The following SOBP variants were observed in gnomAD, a reference collection of about 807,000 sequenced individuals.
SOBP encodes sine oculis-binding protein homolog.
SOBP carries 4 observed loss-of-function variants against 53.6 expected under a neutral mutation model. The ratio of observed to expected loss-of-function variants is 0.07; its 90% confidence interval spans 0.04 to 0.17. SOBP has a LOEUF of 0.17. Among genes scored for constraint, SOBP ranks in the 10% least tolerant of loss-of-function variants. The pLI, the probability that SOBP is intolerant of heterozygous loss-of-function variation, is 1.00. For synonymous variants in SOBP, 584 were observed against 522.6 expected (o/e 1.12, Z -1.60); for missense variants, 1,088 against 1,204.7 (o/e 0.90, Z 1.43).
intron 5 of SOBP, among the ~76,000 whole-genome samples, chr6:107,590,729 C>T (rs1053987136): frequency 6.6e-6 from 1 of 152,080 alleles, no homozygotes; most frequent in African/African-American, 2.4e-5. Context: ...AGTTTTATGG[C>T]TGTGTGATCA....
intron 4 of SOBP, among the ~76,000 whole-genome samples, chr6:107,550,849 C>T (rs1165663967): frequency 2.6e-5 from 4 of 152,292 alleles, no homozygotes; most frequent in East Asian, 1.9e-4. Context: ...TAAAATATCA[C>T]GGACTTTGTA....
At chr6:107,564,825 T>TA (rs1249848937) in intron 4 of SOBP, among the ~76,000 whole-genome samples, 16 of 152,204 alleles carry the variant, frequency 1.1e-4, no homozygotes, top group African/African-American at 3.9e-4. Flanking sequence ...AGACCTGAGA[T>TA]ACCAAATATT....
At chr6:107,582,450 T>C (rs4425630) in intron 4 of SOBP, among the ~76,000 whole-genome samples, 40,645 of 151,984 alleles carry the variant, frequency 0.27, 6,210 homozygotes, top group East Asian at 0.65. Flanking sequence ...TCATCTAATA[T>C]TTATCTAAAT....
intron 4 of SOBP, among the ~76,000 whole-genome samples, chr6:107,565,725 G>A (rs896487717): frequency 2.0e-5 from 3 of 152,218 alleles, no homozygotes; most frequent in Admixed American, 2.0e-4. Context: ...AGAGTCAGAA[G>A]GACTGAAAAA....
chr6:107,583,418 A>G (rs1785465154), intron 4 of SOBP, among the ~76,000 whole-genome samples: 1 of 152,222 alleles, frequency 6.6e-6, no homozygotes, highest in Non-Finnish European at 1.5e-5. Context: ...TTTTTAAGGA[A>G]GTGGTATGGT....
chr6:107,517,724 G>A (rs1783362382), intron 3 of SOBP, among the ~76,000 whole-genome samples: 3 of 152,190 alleles, frequency 2.0e-5, no homozygotes, highest in Admixed American at 2.0e-4. Flanking sequence ...ATTGTAGATG[G>A]ATTGTTGATC....
intron 5 of SOBP, among the ~76,000 whole-genome samples, chr6:107,606,013 C>T (rs1294786360): frequency 6.6e-6 from 1 of 151,856 alleles, no homozygotes; most frequent in East Asian, 1.9e-4. Context: ...CACATTCACA[C>T]ACCCCCAAAC....
intron 6 of SOBP, among the ~76,000 whole-genome samples, chr6:107,644,211 T>A (rs1301007487): frequency 6.6e-6 from 1 of 151,932 alleles, no homozygotes; most frequent in Admixed American, 6.5e-5. Context: ...GGCTGAGGCA[T>A]GAGAACAGCT....
intron 4 of SOBP, among the ~76,000 whole-genome samples, chr6:107,562,564 A>C (rs1784802092): frequency 6.6e-6 from 1 of 152,194 alleles, no homozygotes; most frequent in Admixed American, 6.5e-5. Flanking sequence ...AGAGACTTTA[A>C]ATTCATGACC....
At chr6:107,520,813 TG>T (rs1467590960) in intron 3 of SOBP, among the ~76,000 whole-genome samples, 1 of 152,164 alleles carries the variant, frequency 6.6e-6, no homozygotes, top group Non-Finnish European at 1.5e-5. Context: ...CAGTATGTTC[TG>T]GGGCTTTTCA....
At position 107,610,742 on chromosome 6, in the gene SOBP, C is replaced by G. The variant is rs1395408903; in HGVS notation, c.670-22772C>G. On this transcript the variant is annotated intron_variant, in intron 5 of 6. Transcript: ENST00000317357. ...TTTGCTCCAACCACATGCCCACTCT[C>G]TCCCCATCTTTCTCTTTCTTTGCGC... Among the ~76,000 whole-genome samples the G allele has an allele frequency of 2.6e-5, 4 of 152,178 alleles. No homozygotes were observed. In the East Asian group the frequency reaches 7.7e-4, roughly 29 times the overall value.
intron 6 of SOBP, among the ~76,000 whole-genome samples, chr6:107,653,406 C>T (rs921848397): frequency 2.6e-5 from 4 of 152,224 alleles, no homozygotes; most frequent in African/African-American, 4.8e-5. Context: ...ACAGCGTTGC[C>T]GCAGCCAGCA....
chr6:107,508,274 C>G (rs1250848402), intron 3 of SOBP, among the ~76,000 whole-genome samples: 1 of 152,094 alleles, frequency 6.6e-6, no homozygotes. Context: ...TTTTGCTTGG[C>G]CTGCTGCATT....
At chr6:107,528,879 T>C (rs540499375) in intron 3 of SOBP, among the ~76,000 whole-genome samples, 1 of 152,350 alleles carries the variant, frequency 6.6e-6, no homozygotes, top group African/African-American at 2.4e-5. Context: ...GGCTCTGATA[T>C]GTACTTATTG....
Position 107,659,693 on chromosome 6 carries a change from G to C in SOBP, c.*1490G>C, listed in dbSNP as rs537987966. 1 of 152,902 alleles carries C rather than the reference G, an allele frequency of 6.5e-6. No homozygotes were observed. Among genetic ancestry groups the C allele is most frequent in the East Asian group, 1.9e-4 (1 of 5,186 alleles). 9.5% of individuals were successfully genotyped at this position (152,902 alleles called of 1,614,324 possible). On this transcript the variant is annotated 3_prime_UTR_variant, in exon 7 of 7. Coordinates refer to ENST00000317357, the MANE Select transcript of SOBP (RefSeq NM_018013.4). ...AGTTGCGGGTGGGCAGGGCCAGGAC[G>C]GTGTGGCGCCAGCCTTGAAGCACCA...
At chr6:107,553,494 A>C (rs1013962616) in intron 4 of SOBP, among the ~76,000 whole-genome samples, 1 of 145,628 alleles carries the variant, frequency 6.9e-6, no homozygotes, top group African/African-American at 2.6e-5. Flanking sequence ...ACACCTGGCT[A>C]ATTTTTTTTT....
intron 4 of SOBP, among the ~76,000 whole-genome samples, chr6:107,567,374 T>C (rs1384558092): frequency 1.3e-5 from 2 of 152,226 alleles, no homozygotes; most frequent in Non-Finnish European, 2.9e-5. Flanking sequence ...CACTCTAGCC[T>C]ATGAGGATGG....
chr6:107,636,554 C>T (rs375169012), intron 6 of SOBP, among the ~76,000 whole-genome samples: 63 of 152,306 alleles, frequency 4.1e-4, no homozygotes, highest in African/African-American at 1.2e-3. Flanking sequence ...CAAGCTCTCC[C>T]GTCTATCCAA....
chr6:107,599,049 G>A (rs1786054126), intron 5 of SOBP, among the ~76,000 whole-genome samples: 1 of 151,946 alleles, frequency 6.6e-6, no homozygotes, highest in South Asian at 2.1e-4. Flanking sequence ...TCTTAAATGT[G>A]GATAGAGTCT....
Sources: gnomAD v4.1 joint callset for allele counts (sites outside exome capture counted in the v4.1 genomes callset) on GRCh38, gnomAD v4.1.1 for gene constraint, MANE v1.5 for transcripts, NCBI Gene and HGNC (gene_info 2026-07-23, HGNC 2026-07-21) for gene names.